The following CREB5 variants were observed in gnomAD, a reference collection of about 807,000 sequenced individuals.
CREB5 encodes cAMP responsive element binding protein 5.
A neutral mutation model predicts 57.1 loss-of-function variants in CREB5; 19 were observed. That is an observed-to-expected ratio of 0.33 (90% CI 0.23 to 0.49). The LOEUF is 0.49. Ranked by LOEUF, CREB5 falls within the 20% of genes least tolerant of loss-of-function variation. The pLI is 0.99. For missense variants in CREB5, 579 were observed against 671.6 expected, an observed-to-expected ratio of 0.86 and a Z score of 1.52; for synonymous variants, 238 against 238.3, an observed-to-expected ratio of 1.00 and a Z score of 0.01.
At chr7:28,517,699 T>C (rs1009474579) in intron 4 of CREB5, among the ~76,000 whole-genome samples, 5 of 152,170 alleles carry the variant, frequency 3.3e-5, no homozygotes, top group African/African-American at 1.2e-4. Context: ...GCACCTCCTG[T>C]CTGCAGTGGA....
intron 8 of CREB5, 120 bp downstream of exon 8, chr7:28,804,642 C>T (rs1384871490): frequency 8.0e-7 from 1 of 1,251,508 alleles, no homozygotes; most frequent in African/African-American, 1.5e-5. Context: ...ATCTCACATT[C>T]TAGGGGCTCT....
chr7:28,496,752 T>C lies in CREB5; in HGVS notation c.169+1753T>C, dbSNP rs190152486. 2.6e-3 allele frequency among the ~76,000 whole-genome samples: 402 copies of C among 152,044 alleles called. 2 individuals are homozygous for C. Among genetic ancestry groups the C allele is most frequent in the Non-Finnish European group, 3.2e-3 (217 of 67,976 alleles). On this transcript the variant is annotated intron_variant, in intron 3 of 10. Transcript: ENST00000357727. Reference sequence around the variant, plus strand: ...CCGAGTTCAAAGGCAGCATCTGCCCTTCTCTTCACCCACCACTCGCCACCT... The same window carrying C: ...CCGAGTTCAAAGGCAGCATCTGCCCCTCTCTTCACCCACCACTCGCCACCT...
intron 5 of CREB5, among the ~76,000 whole-genome samples, chr7:28,624,131 A>G (rs920172305): frequency 2.6e-5 from 4 of 152,242 alleles, no homozygotes; most frequent in African/African-American, 9.6e-5. Context: ...AGCACTCTGA[A>G]ATACACAGAC....
At chr7:28,619,765 A>C (rs1269471697) in intron 5 of CREB5, among the ~76,000 whole-genome samples, 1 of 152,222 alleles carries the variant, frequency 6.6e-6, no homozygotes, top group Non-Finnish European at 1.5e-5. Flanking sequence ...CTGAGAATCA[A>C]GAGGGCATTT....
At chr7:28,526,839 ATCAT>A (rs755479982) in intron 4 of CREB5, among the ~76,000 whole-genome samples, 5 of 152,210 alleles carry the variant, frequency 3.3e-5, no homozygotes, top group South Asian at 2.1e-4. Flanking sequence ...GAATGGTATA[ATCAT>A]TCATTCCTGT....
chr7:28,416,437 C>G (rs1397185346), intron 1 of CREB5, among the ~76,000 whole-genome samples: 1 of 152,216 alleles, frequency 6.6e-6, no homozygotes, highest in Non-Finnish European at 1.5e-5. Context: ...GACCATTTCA[C>G]TTTATCAAAA....
At chr7:28,574,770 C>T (rs1192417902) in intron 5 of CREB5, among the ~76,000 whole-genome samples, 1 of 152,072 alleles carries the variant, frequency 6.6e-6, no homozygotes, top group East Asian at 1.9e-4. Context: ...ATGAATTGGC[C>T]AGCTGCATCA....
intron 5 of CREB5, among the ~76,000 whole-genome samples, chr7:28,670,503 G>A (rs1799994916): frequency 6.6e-6 from 1 of 152,158 alleles, no homozygotes; most frequent in African/African-American, 2.4e-5. Context: ...TCCATCATTA[G>A]GAATGTTTTC....
intron 5 of CREB5, among the ~76,000 whole-genome samples, chr7:28,622,259 T>TCA (rs4000593): frequency 0.039 from 5,528 of 142,802 alleles, 104 homozygotes; most frequent in African/African-American, 0.043. Context: ...TCTCTCTCTC[T>TCA]CACACACACA....
At chr7:28,683,780 G>T (rs928090660) in intron 5 of CREB5, among the ~76,000 whole-genome samples, 2 of 151,972 alleles carry the variant, frequency 1.3e-5, no homozygotes, top group East Asian at 1.9e-4. Context: ...TAAAGCACAG[G>T]GTCCCTTTTG....
intron 4 of CREB5, among the ~76,000 whole-genome samples, chr7:28,543,561 T>G (rs796591886): frequency 7.9e-5 from 11 of 138,750 alleles, no homozygotes; most frequent in Non-Finnish European, 1.2e-4. Context: ...GGTCTGTCTT[T>G]CAAATATCAT....
chr7:28,652,660 G>A (rs544875930), intron 5 of CREB5, among the ~76,000 whole-genome samples: 6 of 152,068 alleles, frequency 3.9e-5, no homozygotes, highest in Non-Finnish European at 5.9e-5. Context: ...TTGAGAGATT[G>A]CATGCAAAAT....
At chr7:28,662,008 AT>A in intron 5 of CREB5, among the ~76,000 whole-genome samples, 1 of 152,186 alleles carries the variant, frequency 6.6e-6, no homozygotes, top group Non-Finnish European at 1.5e-5. Context: ...CTGTGAGTGC[AT>A]TTCACATTAG....
chr7:28,771,054 A>G (rs1806295534), intron 7 of CREB5, among the ~76,000 whole-genome samples: 1 of 152,228 alleles, frequency 6.6e-6, no homozygotes, highest in African/African-American at 2.4e-5. Flanking sequence ...TTTGTCAATT[A>G]TACCTCAGTA....
rs1809779248 is a variant in CREB5, at chr7:28,821,666, G to T, written c.*2387G>T. On this transcript the variant is annotated 3_prime_UTR_variant, in exon 11 of 11. Coordinates refer to ENST00000357727, the MANE Select transcript of CREB5 (RefSeq NM_182898.4). ...AATGTTTAAGACTCAGCTTTAAAAA[G>T]AAGTTAACATTCATATCTCTGTTTT... The T allele has an allele frequency of 6.6e-6, 1 of 152,102 alleles. No homozygotes were observed. Among genetic ancestry groups the T allele is most frequent in the Admixed American group, 6.5e-5 (1 of 15,270 alleles). The allele number at this position is 152,102 out of a possible 1,614,324, so 9.4% of individuals were successfully genotyped here. A position where few individuals can be genotyped will look rare whatever the true frequency, so the allele number is the denominator to read the frequency against.
At chr7:28,531,310 G>A (rs1258698008) in intron 4 of CREB5, among the ~76,000 whole-genome samples, 1 of 152,158 alleles carries the variant, frequency 6.6e-6, no homozygotes, top group African/African-American at 2.4e-5. Context: ...TGGCAAGGCT[G>A]ATTTCTTCTG....
At position 28,560,913 on chromosome 7, in the gene CREB5, TGCGTGTGTGCGC is replaced by T. The variant is rs1562797783; in HGVS notation, c.292-9450_292-9439del. ...GTGTGTGTGCGTGCGCGCGTGCGTG[TGCGTGTGTGCGC>T]GTGCGTGTGTGCGTGCGTGTGTGTG... On this transcript the variant is annotated intron_variant, in intron 4 of 10. Coordinates refer to ENST00000357727, the MANE Select transcript of CREB5 (RefSeq NM_182898.4). Among the ~76,000 whole-genome samples, 52 of 21,972 alleles carry T rather than the reference TGCGTGTGTGCGC, an allele frequency of 2.4e-3. 2 individuals carry two copies. The highest frequency in any genetic ancestry group is 5.9e-3 in the South Asian group (2 of 340). The allele number at this position is 21,972 out of a possible 152,430, so 14.4% of individuals were successfully genotyped here.
intron 1 of CREB5, among the ~76,000 whole-genome samples, chr7:28,354,912 G>A (rs12700884): frequency 0.46 from 69,800 of 151,984 alleles, 16,425 homozygotes; most frequent in Admixed American, 0.54. Context: ...ATGAATGCCT[G>A]CATGGAGCAA....
chr7:28,642,727 A>G (rs1248976695), intron 5 of CREB5, among the ~76,000 whole-genome samples: 1 of 152,110 alleles, frequency 6.6e-6, no homozygotes, highest in African/African-American at 2.4e-5. Flanking sequence ...TATTAGTCTC[A>G]TCTCAGTTCT....
Sources: allele counts gnomAD v4.1 joint callset (sites outside exome capture counted in the v4.1 genomes callset), GRCh38; gene constraint gnomAD v4.1.1; transcripts MANE v1.5; gene names NCBI Gene and HGNC (gene_info 2026-07-23, HGNC 2026-07-21).